PCCA: variants seen among roughly 807,000 people sequenced by gnomAD.
PCCA encodes the protein propionyl-CoA carboxylase alpha chain, mitochondrial.
In PCCA, 74 loss-of-function variants were observed where a neutral mutation model predicts 101.3. That is an observed-to-expected ratio of 0.73 (90% CI 0.61 to 0.89). PCCA has a LOEUF of 0.89. PCCA is among the 40% of genes least tolerant of loss of function. The probability of loss-of-function intolerance (pLI) is 0.00; values close to 1 mark genes in which losing one functional copy is unlikely to be tolerated. For missense variants in PCCA, 891 were observed against 907.0 expected, an observed-to-expected ratio of 0.98 and a Z score of 0.23; for synonymous variants, 294 against 313.6, an observed-to-expected ratio of 0.94 and a Z score of 0.66.
chr13:100,351,942 C>T (rs2073316386), intron 18 of PCCA, among the ~76,000 whole-genome samples: 1 of 152,088 alleles, frequency 6.6e-6, no homozygotes, highest in Admixed American at 6.6e-5. Flanking sequence ...CAGAGACTAG[C>T]AAACCATGTT....
chr13:100,372,779 A>T (rs2075650660), intron 19 of PCCA, among the ~76,000 whole-genome samples: 1 of 152,176 alleles, frequency 6.6e-6, no homozygotes, highest in African/African-American at 2.4e-5. Flanking sequence ...TCGCTCTGTC[A>T]CCCAGGCTAA....
intron 6 of PCCA, among the ~76,000 whole-genome samples, chr13:100,177,499 C>G: frequency 6.6e-6 from 1 of 152,152 alleles, no homozygotes; most frequent in Non-Finnish European, 1.5e-5. Context: ...ATTTAGTAAA[C>G]ATATTAGATT....
intron 12 of PCCA, among the ~76,000 whole-genome samples, chr13:100,289,475 C>G (rs185931124): frequency 2.6e-4 from 40 of 152,136 alleles, no homozygotes; most frequent in Admixed American, 2.0e-4. Flanking sequence ...AGAACCTAAT[C>G]CAACATTTTC....
intron 4 of PCCA, among the ~76,000 whole-genome samples, chr13:100,146,086 T>C (rs1189580981): frequency 6.7e-6 from 1 of 150,138 alleles, no homozygotes; most frequent in African/African-American, 2.4e-5. Context: ...ACCATAGATA[T>C]GCGCCACCAC....
rs1367867218 is a variant in PCCA, at chr13:100,527,674, G to T, written c.2041-1G>T. On this transcript the variant is annotated splice_acceptor_variant, in intron 22 of 23. Coordinates refer to ENST00000376285, the MANE Select transcript of PCCA (RefSeq NM_000282.4). LOFTEE classifies it high-confidence loss of function. Reference sequence around the variant, plus strand: ...AACTTCTGCCCATTTTTGTTTTCCAGGTAGCAGAAGGTCAAGAAATTTGTG... The same window carrying T: ...AACTTCTGCCCATTTTTGTTTTCCATGTAGCAGAAGGTCAAGAAATTTGTG... The T allele has an allele frequency of 6.2e-7, 1 of 1,611,836 alleles. No individual in the cohort carries two copies. Among genetic ancestry groups the T allele is most frequent in the Admixed American group, 1.7e-5 (1 of 60,016 alleles).
intron 21 of PCCA, among the ~76,000 whole-genome samples, chr13:100,502,894 A>G (rs1594038398): frequency 6.6e-6 from 1 of 152,244 alleles, no homozygotes; most frequent in Admixed American, 6.5e-5. Flanking sequence ...GAGGCAGAGC[A>G]GACGGCAGAG....
At chr13:100,488,572 A>G (rs1199523078) in intron 21 of PCCA, among the ~76,000 whole-genome samples, 1 of 151,280 alleles carries the variant, frequency 6.6e-6, no homozygotes, top group Non-Finnish European at 1.5e-5. Context: ...CAGGAGTTTG[A>G]GACCAGCCTG....
At chr13:100,253,778 G>A (rs910728800) in intron 8 of PCCA, among the ~76,000 whole-genome samples, 17 of 151,984 alleles carry the variant, frequency 1.1e-4, no homozygotes, top group Non-Finnish European at 2.2e-4. Context: ...CTGGGGTGAG[G>A]TAAGGTAGTA....
At chr13:100,207,166 C>A (rs1285241367) in intron 6 of PCCA, among the ~76,000 whole-genome samples, 1 of 152,078 alleles carries the variant, frequency 6.6e-6, no homozygotes, top group East Asian at 1.9e-4. Context: ...TAATAGTTTT[C>A]CTCCTGTACA....
intron 19 of PCCA, among the ~76,000 whole-genome samples, chr13:100,386,696 T>G (rs1231260291): frequency 1.3e-5 from 2 of 152,214 alleles, no homozygotes; most frequent in Non-Finnish European, 2.9e-5. Context: ...TGCTGCTTTA[T>G]CAAGTGACAG....
In PCCA at chr13:100,446,128, C is replaced by A. The variant is rs1285289316; in HGVS notation, c.1846-3124C>A. Among the ~76,000 whole-genome samples, 6 of 152,296 alleles carry A rather than the reference C, an allele frequency of 3.9e-5. No individual in the cohort carries two copies. In the East Asian group the frequency reaches 1.2e-3, roughly 29 times the overall value. ...AGTCGGCTCACTGCAACCTCCAACTCCCAGGTTCAAGTGATTCTCCTGCCT... is the reference window on the plus strand; with the variant it reads ...AGTCGGCTCACTGCAACCTCCAACTACCAGGTTCAAGTGATTCTCCTGCCT... On this transcript the variant is annotated intron_variant, in intron 20 of 23. Coordinates refer to ENST00000376285, the MANE Select transcript of PCCA (RefSeq NM_000282.4).
intron 21 of PCCA, among the ~76,000 whole-genome samples, chr13:100,472,608 G>A (rs1008611962): frequency 2.6e-5 from 4 of 152,126 alleles, no homozygotes; most frequent in Non-Finnish European, 4.4e-5. Flanking sequence ...GTGTGGGTGG[G>A]AACCTTAGTG....
At chr13:100,205,217 G>T (rs988579004) in intron 6 of PCCA, among the ~76,000 whole-genome samples, 8 of 152,092 alleles carry the variant, frequency 5.3e-5, no homozygotes, top group Non-Finnish European at 1.2e-4. Context: ...ATAAAATCTG[G>T]CCTTTTATTC....
intron 1 of PCCA, among the ~76,000 whole-genome samples, chr13:100,099,474 C>T (rs2047080092): frequency 6.6e-6 from 1 of 151,916 alleles, no homozygotes; most frequent in Non-Finnish European, 1.5e-5. Flanking sequence ...CCTGCCACCA[C>T]ACCCGGCTAA....
intron 19 of PCCA, among the ~76,000 whole-genome samples, chr13:100,410,760 CT>C (rs1321404836): frequency 1.4e-4 from 22 of 152,202 alleles, no homozygotes. Flanking sequence ...CTAGCACACT[CT>C]TTTTTTTCCC....
intron 8 of PCCA, among the ~76,000 whole-genome samples, chr13:100,241,035 G>T (rs980438371): frequency 1.3e-5 from 2 of 152,068 alleles, no homozygotes. Flanking sequence ...CTACCCCCTG[G>T]CCTGCAGGTA....
intron 4 of PCCA, among the ~76,000 whole-genome samples, chr13:100,122,496 A>G (rs961139053): frequency 6.6e-6 from 1 of 152,012 alleles, no homozygotes; most frequent in South Asian, 2.1e-4. Flanking sequence ...TGTTAAATCT[A>G]CCTTTTTACT....
At chr13:100,439,692 C>T (rs1356315095) in intron 20 of PCCA, among the ~76,000 whole-genome samples, 2 of 151,816 alleles carry the variant, frequency 1.3e-5, no homozygotes, top group East Asian at 1.9e-4. Context: ...TGCATAGTCA[C>T]GTTGTTTGAA....
chr13:100,430,685 C>T (rs898323332), intron 20 of PCCA, among the ~76,000 whole-genome samples: 1 of 152,198 alleles, frequency 6.6e-6, no homozygotes, highest in Non-Finnish European at 1.5e-5. Flanking sequence ...TGTATGAACA[C>T]CCTACTTCCT....
Sources: gnomAD v4.1 joint callset for allele counts (sites outside exome capture counted in the v4.1 genomes callset) on GRCh38, gnomAD v4.1.1 for gene constraint, MANE v1.5 for transcripts, NCBI Gene and HGNC (gene_info 2026-07-23, HGNC 2026-07-21) for gene names.